SGCZ: variants seen among roughly 807,000 people sequenced by gnomAD.
SGCZ encodes the protein zeta-sarcoglycan.
In SGCZ, 40 loss-of-function variants were observed where a neutral mutation model predicts 41.3. The ratio of observed to expected loss-of-function variants is 0.97; its 90% CI spans 0.75 to 1.26. The LOEUF (loss-of-function observed/expected upper bound fraction) is 1.26, where lower values mean the gene tolerates loss of function less well. SGCZ is among the 50% of genes most tolerant of loss of function. The pLI, the probability that SGCZ is intolerant of heterozygous loss-of-function variation, is 0.00. For synonymous variants in SGCZ, 206 were observed against 137.5 expected (o/e 1.50, Z -3.49); for missense variants, 552 against 369.8 (o/e 1.49, Z -4.04).
chr8:14,561,154 T>C lies in SGCZ; in HGVS notation c.40-6228A>G, dbSNP rs144751262. ...AATAAAAACATATAATTCTAAGTGA[T>C]TATGCAAACTATCCTCCATTTGAAA... On this transcript the variant is annotated intron_variant, in intron 1 of 7. Transcript: ENST00000382080. Among the ~76,000 whole-genome samples the C allele has an allele frequency of 6.8e-3, 1,039 of 152,294 alleles. 14 individuals carry two copies. The highest frequency in any genetic ancestry group is 0.024 in the African/African-American group (987 of 41,588).
chr8:15,207,180 G>GT (rs1018365920), intron 1 of SGCZ, among the ~76,000 whole-genome samples: 133 of 152,206 alleles, frequency 8.7e-4, no homozygotes, highest in African/African-American at 3.0e-3. Context: ...AGAAAAAGCT[G>GT]TTTTTTTCCA....
intron 1 of SGCZ, among the ~76,000 whole-genome samples, chr8:14,817,217 G>C (rs917032352): frequency 1.1e-4 from 16 of 152,110 alleles, no homozygotes; most frequent in African/African-American, 3.6e-4. Flanking sequence ...CATAGAGAGG[G>C]GATGGAGGCA....
chr8:14,837,628 C>T (rs1802745543), intron 1 of SGCZ, among the ~76,000 whole-genome samples: 1 of 152,156 alleles, frequency 6.6e-6, no homozygotes, highest in Admixed American at 6.5e-5. Context: ...TCTCTTCCCT[C>T]ATTTGGATGT....
chr8:14,605,795 G>C (rs2117325023), intron 1 of SGCZ, among the ~76,000 whole-genome samples: 1 of 152,200 alleles, frequency 6.6e-6, no homozygotes, highest in Non-Finnish European at 1.5e-5. Flanking sequence ...AGATTTAGGT[G>C]AACAGAAAAC....
chr8:14,431,717 C>T (rs531627065), intron 2 of SGCZ, among the ~76,000 whole-genome samples: 10 of 151,946 alleles, frequency 6.6e-5, no homozygotes, highest in African/African-American at 9.6e-5. Context: ...AACTTTTGCA[C>T]GGCAAAAAGA....
intron 1 of SGCZ, among the ~76,000 whole-genome samples, chr8:14,956,165 G>A (rs747602555): frequency 1.0e-4 from 15 of 150,018 alleles, no homozygotes; most frequent in African/African-American, 2.7e-4. Context: ...TCAGACTCCC[G>A]AGTATCTGGG....
chr8:14,423,575 C>A (rs754582809), intron 2 of SGCZ, among the ~76,000 whole-genome samples: 4 of 152,062 alleles, frequency 2.6e-5, no homozygotes, highest in African/African-American at 4.8e-5. Flanking sequence ...CACCACCATA[C>A]CTGGCTAATT....
intron 1 of SGCZ, among the ~76,000 whole-genome samples, chr8:14,639,057 CT>C (rs1298170507): frequency 1.2e-5 from 1 of 84,126 alleles, no homozygotes; most frequent in South Asian, 4.2e-4. Flanking sequence ...TTTTTTTTGT[CT>C]TTTTTTGAGA....
intron 1 of SGCZ, among the ~76,000 whole-genome samples, chr8:15,108,201 A>C (rs1469688720): frequency 6.6e-6 from 1 of 152,158 alleles, no homozygotes; most frequent in Non-Finnish European, 1.5e-5. Flanking sequence ...ACTTAATTTA[A>C]AATTTTAATC....
At chr8:15,174,940 A>G (rs1799953514) in intron 1 of SGCZ, among the ~76,000 whole-genome samples, 1 of 152,012 alleles carries the variant, frequency 6.6e-6, no homozygotes, top group African/African-American at 2.4e-5. Flanking sequence ...CAGTGTGGCG[A>G]TTCCTCAAAT....
At chr8:14,890,214 CAAAA>C (rs944762451) in intron 1 of SGCZ, among the ~76,000 whole-genome samples, 12 of 118,526 alleles carry the variant, frequency 1.0e-4, no homozygotes, top group African/African-American at 4.0e-4. Flanking sequence ...AAGACTCCAT[CAAAA>C]AAAGAAAGAA....
intron 6 of SGCZ, among the ~76,000 whole-genome samples, chr8:14,105,271 GAATA>G (rs1311439070): frequency 2.0e-5 from 3 of 152,022 alleles, no homozygotes; most frequent in Admixed American, 6.6e-5. Context: ...AACAGCTGCT[GAATA>G]AATAAGTTAT....
chr8:14,491,771 A>G (rs1801849251), intron 2 of SGCZ, among the ~76,000 whole-genome samples: 1 of 152,164 alleles, frequency 6.6e-6, no homozygotes, highest in Non-Finnish European at 1.5e-5. Flanking sequence ...TTGGGGAACC[A>G]CTTTGGTATT....
intron 1 of SGCZ, among the ~76,000 whole-genome samples, chr8:14,900,210 A>C (rs1798922748): frequency 6.6e-6 from 1 of 152,228 alleles, no homozygotes; most frequent in Non-Finnish European, 1.5e-5. Context: ...TTAAAAAATT[A>C]AAATAAACAG....
intron 2 of SGCZ, among the ~76,000 whole-genome samples, chr8:14,387,909 T>C (rs1390578962): frequency 3.3e-5 from 5 of 151,912 alleles, no homozygotes; most frequent in Admixed American, 2.0e-4. Flanking sequence ...ATAATGAGGA[T>C]AGAAGAGAGA....
At chr8:15,060,283 T>A (rs12678686) in intron 1 of SGCZ, among the ~76,000 whole-genome samples, 79,243 of 151,728 alleles carry the variant, frequency 0.52, 21,914 homozygotes, top group Admixed American at 0.63. Context: ...TGTCCAAAAA[T>A]GATAGACTGG....
chr8:14,256,842 T>G (rs966350705), intron 3 of SGCZ, among the ~76,000 whole-genome samples: 3 of 152,216 alleles, frequency 2.0e-5, no homozygotes, highest in African/African-American at 7.2e-5. Flanking sequence ...TACTCTTACT[T>G]TAATTACAGC....
intron 7 of SGCZ, among the ~76,000 whole-genome samples, chr8:14,090,908 A>C (rs1801670132): frequency 6.6e-6 from 1 of 152,054 alleles, no homozygotes; most frequent in Admixed American, 6.6e-5. Flanking sequence ...GGGCCAACCC[A>C]GTTACTTAAA....
intron 1 of SGCZ, among the ~76,000 whole-genome samples, chr8:14,706,116 C>T (rs1002984672): frequency 6.6e-6 from 1 of 151,964 alleles, no homozygotes; most frequent in Non-Finnish European, 1.5e-5. Context: ...TTTTCCCCCC[C>T]ATGGTCTAAT....
Sources: gnomAD v4.1 joint callset for allele counts (sites outside exome capture counted in the v4.1 genomes callset) on GRCh38, gnomAD v4.1.1 for gene constraint, MANE v1.5 for transcripts, NCBI Gene and HGNC (gene_info 2026-07-23, HGNC 2026-07-21) for gene names.